The following GLIS3 variants were observed in gnomAD, a reference collection of about 807,000 sequenced individuals.
The protein encoded by GLIS3 is GLIS family zinc finger 3.
A neutral mutation model predicts 78.6 loss-of-function variants in GLIS3; 53 were observed. The observed-to-expected ratio is 0.67, with a 90% CI of 0.54 to 0.85. The LOEUF (loss-of-function observed/expected upper bound fraction) is 0.85. Ranked by LOEUF, GLIS3 falls within the 40% of genes least tolerant of loss-of-function variation. The pLI is 0.00. For synonymous variants in GLIS3, 684 were observed against 509.9 expected (o/e 1.34, Z -4.60); for missense variants, 1,703 against 1,231.1 (o/e 1.38, Z -5.74).
chr9:4,380,806 A>G, the GLIS3 span, among the ~76,000 whole-genome samples: 1 of 152,224 alleles, frequency 6.6e-6, no homozygotes, highest in African/African-American at 2.4e-5. Context: ...AAGTTTTGGG[A>G]TGGGAGATGC....
intron 2 of GLIS3, among the ~76,000 whole-genome samples, chr9:4,278,520 G>C (rs974666636): frequency 1.3e-5 from 2 of 152,124 alleles, no homozygotes; most frequent in African/African-American, 4.8e-5. Context: ...TGATGGTAAT[G>C]AATTCTAACA....
In GLIS3 at chr9:4,131,022, A is replaced by T. The variant is rs575606075; in HGVS notation, c.389-5081T>A. ...GGCCTGGATGTGAAACAAGGAGTTAAAGGAGATTATTTGGGAGCTTTAAGA... is the reference window on the plus strand; with the variant it reads ...GGCCTGGATGTGAAACAAGGAGTTATAGGAGATTATTTGGGAGCTTTAAGA... On this transcript the variant is annotated intron_variant, in intron 2 of 10. Coordinates refer to ENST00000381971, the MANE Select transcript of GLIS3 (RefSeq NM_001042413.2). 5.9e-5 allele frequency among the ~76,000 whole-genome samples: 9 copies of T among 152,292 alleles called. No homozygotes were observed. In the South Asian group the frequency reaches 6.2e-4, roughly 11 times the overall value.
Position 4,037,261 on chromosome 9 carries a change from C to G in GLIS3, c.1710+80507G>C, listed in dbSNP as rs371914431. 5.9e-5 allele frequency among the ~76,000 whole-genome samples: 9 copies of G among 152,216 alleles called. No individual in the cohort carries two copies. The South Asian group carries it at 1.7e-3, about 28-fold the overall frequency. On this transcript the variant is annotated intron_variant, in intron 4 of 10. Coordinates refer to ENST00000381971, the MANE Select transcript of GLIS3 (RefSeq NM_001042413.2). ...TAGCACAGGAGCCTAGCACGGATAC[C>G]TAAACTAAAGCTTAGGACTTGCATT... is the stretch of plus-strand genomic sequence containing the variant.
intron 4 of GLIS3, among the ~76,000 whole-genome samples, chr9:4,085,817 C>T (rs971904746): frequency 2.6e-5 from 4 of 152,188 alleles, no homozygotes; most frequent in African/African-American, 9.7e-5. Flanking sequence ...ATGTTCATGT[C>T]GCCTGCTTCC....
intron 5 of GLIS3, 145 bp from the exon 6 acceptor site, chr9:3,932,615 A>T: frequency 1.5e-6 from 1 of 679,878 alleles, no homozygotes; most frequent in South Asian, 1.6e-5. Flanking sequence ...ATGCATTTTA[A>T]TTACAAAGTC....
At chr9:3,947,295 A>G (rs1310682358) in intron 4 of GLIS3, among the ~76,000 whole-genome samples, 3 of 152,214 alleles carry the variant, frequency 2.0e-5, no homozygotes, top group African/African-American at 4.8e-5. Flanking sequence ...CAATATATTT[A>G]TTTACTATGG....
At chr9:4,366,538 GAA>G in the GLIS3 span, among the ~76,000 whole-genome samples, 1 of 152,328 alleles carries the variant, frequency 6.6e-6, no homozygotes, top group Non-Finnish European at 1.5e-5. Flanking sequence ...TTCAGAGAAG[GAA>G]CGTTCCATTC....
At chr9:4,121,157 T>C (rs184835709) in intron 3 of GLIS3, among the ~76,000 whole-genome samples, 14 of 152,376 alleles carry the variant, frequency 9.2e-5, no homozygotes, top group Admixed American at 9.1e-4. Flanking sequence ...AAATGGCCTT[T>C]GCCTAGCAGC....
intron 4 of GLIS3, among the ~76,000 whole-genome samples, chr9:3,945,723 C>A (rs1289456831): frequency 6.6e-6 from 1 of 152,034 alleles, no homozygotes; most frequent in Non-Finnish European, 1.5e-5. Flanking sequence ...TTAGTTTCTC[C>A]AAATGATCTG....
the GLIS3 span, among the ~76,000 whole-genome samples, chr9:4,484,708 T>C: frequency 2.0e-5 from 3 of 151,896 alleles, no homozygotes; most frequent in African/African-American, 7.3e-5. Flanking sequence ...TGAGCCACTG[T>C]GCCCAGTGTA....
At chr9:4,336,511 C>CG (rs1176423060) in intron 2 of GLIS3, among the ~76,000 whole-genome samples, 15 of 6,118 alleles carry the variant, frequency 2.5e-3, no homozygotes, top group Middle Eastern at 0.25. Flanking sequence ...GTGTTGATAT[C>CG]ACCCTTTCTC....
the GLIS3 span, among the ~76,000 whole-genome samples, chr9:4,392,671 T>C: frequency 6.6e-6 from 1 of 152,212 alleles, no homozygotes; most frequent in Non-Finnish European, 1.5e-5. Flanking sequence ...GCTTTTGAAG[T>C]ATTAAAACTA....
chr9:3,951,464 T>C (rs935188423), intron 4 of GLIS3, among the ~76,000 whole-genome samples: 1 of 151,660 alleles, frequency 6.6e-6, no homozygotes, highest in Non-Finnish European at 1.5e-5. Flanking sequence ...GAGTGCTCCT[T>C]TTGATCTTTC....
intron 2 of GLIS3, among the ~76,000 whole-genome samples, chr9:4,181,825 C>A (rs1185818067): frequency 6.6e-6 from 1 of 152,188 alleles, no homozygotes; most frequent in African/African-American, 2.4e-5. Context: ...TGAGGGGTCA[C>A]ACAGAGACAG....
At chr9:4,276,060 A>G (rs571855526) in intron 2 of GLIS3, among the ~76,000 whole-genome samples, 1 of 151,960 alleles carries the variant, frequency 6.6e-6, no homozygotes, top group African/African-American at 2.4e-5. Context: ...AGGCAGATGG[A>G]TCACTTTGAG....
At chr9:3,988,959 A>C (rs1397098291) in intron 4 of GLIS3, among the ~76,000 whole-genome samples, 1 of 152,186 alleles carries the variant, frequency 6.6e-6, no homozygotes, top group Non-Finnish European at 1.5e-5. Flanking sequence ...TCATGGGAAG[A>C]AGATGAAAAT....
intron 2 of GLIS3, among the ~76,000 whole-genome samples, chr9:4,129,300 G>C (rs1832789894): frequency 6.6e-6 from 1 of 152,122 alleles, no homozygotes; most frequent in Non-Finnish European, 1.5e-5. Flanking sequence ...ATTTCTCCAT[G>C]TCTATGTCTT....
At chr9:3,941,972 C>A (rs1815957058) in intron 4 of GLIS3, among the ~76,000 whole-genome samples, 1 of 152,130 alleles carries the variant, frequency 6.6e-6, no homozygotes, top group African/African-American at 2.4e-5. Context: ...CTTTCCCTTT[C>A]CATTAGAGGC....
At chr9:3,986,293 G>C (rs1187879463) in intron 4 of GLIS3, among the ~76,000 whole-genome samples, 1 of 152,078 alleles carries the variant, frequency 6.6e-6, no homozygotes, top group Non-Finnish European at 1.5e-5. Flanking sequence ...GAAAAATAAA[G>C]GCACGGATAC....
Sources: gnomAD v4.1 joint callset for allele counts (sites outside exome capture counted in the v4.1 genomes callset) on GRCh38, gnomAD v4.1.1 for gene constraint, MANE v1.5 for transcripts, NCBI Gene and HGNC (gene_info 2026-07-23, HGNC 2026-07-21) for gene names.